HECTD3: variants seen among roughly 807,000 people sequenced by gnomAD.
HECTD3 encodes E3 ubiquitin-protein ligase HECTD3.
HECTD3 carries 72 observed loss-of-function variants against 109.3 expected under a neutral mutation model. That is an observed-to-expected ratio of 0.66 (90% confidence interval 0.54 to 0.80). The LOEUF (loss-of-function observed/expected upper bound fraction) is 0.80, where lower values mean the gene tolerates loss of function less well. Ranked by LOEUF, HECTD3 falls within the 30% of genes least tolerant of loss-of-function variation. HECTD3 has a pLI of 0.00. For missense variants in HECTD3, 1,041 were observed against 1,165.2 expected (o/e 0.89, Z 1.55); for synonymous variants, 481 against 471.8 (o/e 1.02, Z -0.25).
Position 45,003,741 on chromosome 1 carries a change from C to T in HECTD3, c.2430-1G>A. On this transcript the variant is annotated splice_acceptor_variant, in intron 19 of 20. Transcript: ENST00000372172. LOFTEE classifies it high-confidence loss of function. The surrounding 1 kb of genome is among the most constrained non-coding windows in gnomAD (Gnocchi z 4.7). ...GGGCAGCGCGTCTGTGGTCTCGTAG[C>T]TGGGGGCATTGAGGGACCATAGGTC... is the stretch of plus-strand genomic sequence containing the variant. 1 of 1,614,012 alleles carries T rather than the reference C, an allele frequency of 6.2e-7. No homozygotes were observed. Among genetic ancestry groups the T allele is most frequent in the Non-Finnish European group, 8.5e-7 (1 of 1,179,994 alleles).
Position 45,003,427 on chromosome 1 carries a change from T to C in HECTD3, c.*65A>G. 6.9e-7 allele frequency: 1 copy of C among 1,453,442 alleles called. No homozygotes were observed. Among genetic ancestry groups the C allele is most frequent in the Non-Finnish European group, 9.6e-7 (1 of 1,036,696 alleles). The allele number at this position is 1,453,442 out of a possible 1,614,324, so 90.0% of individuals were successfully genotyped here. A position where few individuals can be genotyped will look rare whatever the true frequency, so the allele number is the denominator to read the frequency against. On this transcript the variant is annotated 3_prime_UTR_variant, in exon 21 of 21. Coordinates refer to ENST00000372172, the MANE Select transcript of HECTD3 (RefSeq NM_024602.6). This position sits in a 1 kb window ranked among gnomAD's most constrained non-coding sequence, Gnocchi z 4.7. ...GCCAAACCAGGGCAGGGAAGGTGTC[T>C]TCGCCCTGGGCAAGGCCAAGAGGGA...
At chr1:45,004,214 G>GCTGCC (rs369750324) in intron 17 of HECTD3, 34 bp downstream of exon 17, 22 of 1,613,766 alleles carry the variant, frequency 1.4e-5, no homozygotes, top group South Asian at 5.5e-5. Flanking sequence ...GCTGTGCTGT[G>GCTGCC]CTGCCCTGCC....
In HECTD3 at chr1:45,010,943, GC is replaced by G; in HGVS notation, c.314del (p.Arg105ProfsTer15). ...CATTGCACAGCTCCTCGCCCGTGGT[GC>G]GCACGCAGGCGCCGCGCCGGAGCTC... ...SIELRRGACVRTTGEELCNGH... is the reference protein window; with the variant it reads ...SIELRRGACVXTTGEELCNGH... On this transcript the variant is annotated frameshift_variant, in exon 1 of 21. Coordinates refer to ENST00000372172, the MANE Select transcript of HECTD3 (RefSeq NM_024602.6). LOFTEE classifies it high-confidence loss of function. The G allele has an allele frequency of 6.5e-7, 1 of 1,537,138 alleles. No individual in the cohort carries two copies. The highest frequency in any genetic ancestry group is 8.7e-7 in the Non-Finnish European group (1 of 1,154,962).
At chr1:45,008,828 G>T in intron 7 of HECTD3, 127 bp from the exon 8 acceptor site, 1 of 818,808 alleles carries the variant, frequency 1.2e-6, no homozygotes, top group East Asian at 2.5e-5. Context: ...CGGGACCTTC[G>T]GGATCACCTT....
In HECTD3 at chr1:45,006,087, C is replaced by T. The variant is rs1644732863; in HGVS notation, c.1755G>A (p.Met585Ile). 10 of 1,614,178 alleles carry T rather than the reference C, an allele frequency of 6.2e-6. No individual in the cohort carries two copies. Among genetic ancestry groups the T allele is most frequent in the South Asian group, 1.1e-5 (1 of 91,084 alleles). The part of the protein sequence containing the change: ...QGNGTGEARD[M>I]YVPNPSCRDF... Reference sequence around the variant, plus strand: ...CTCGGCAGGAGGGGTTGGGTACATACATGTCCCGAGCCTCACCAGTGCCAT... The same window carrying T: ...CTCGGCAGGAGGGGTTGGGTACATATATGTCCCGAGCCTCACCAGTGCCAT... Residue 585 changes from methionine to isoleucine, a missense_variant, in exon 14 of 21, where the codon ATG becomes ATA. Met to Ile is a conservative substitution (Grantham distance 10). This residue lies in a region of HECTD3 where 569 missense variants were observed against 715.3 expected (regional missense o/e 0.80). Transcript: ENST00000372172. The surrounding 1 kb of genome is among the most constrained non-coding windows in gnomAD (Gnocchi z 4.7).
Position 45,008,536 on chromosome 1 carries a change from C to G in HECTD3, c.1238G>C (p.Arg413Thr). 1 of 1,612,454 alleles carries G rather than the reference C, an allele frequency of 6.2e-7. No individual in the cohort carries two copies. The highest frequency in any genetic ancestry group is 8.5e-7 in the Non-Finnish European group (1 of 1,178,702). The change falls in exon 8 of 21, where the codon AGA becomes ACA. Residue 413 changes from arginine (R) to threonine (T), a missense_variant and splice_region_variant. Coordinates refer to ENST00000372172, the MANE Select transcript of HECTD3 (RefSeq NM_024602.6). The part of the protein sequence containing the change: ...VLYRRAVLLQ[R>T]FIKILDSVLH... ...CCCATAGGTCCAGGACCACAGCCACCTCTGCAGGAGGACAGCTCTGCGGTA... is the reference window on the plus strand; with the variant it reads ...CCCATAGGTCCAGGACCACAGCCACGTCTGCAGGAGGACAGCTCTGCGGTA...
chr1:45,009,957 C>T (rs1006012865), intron 4 of HECTD3, 29 bp downstream of exon 4: 2 of 1,517,824 alleles, frequency 1.3e-6, no homozygotes, highest in Non-Finnish European at 1.8e-6. Flanking sequence ...CTATATCTTG[C>T]CTGGGGTGGG....
chr1:45,011,030 G>T lies in HECTD3; in HGVS notation c.228C>A (p.Gly76=). 7.0e-7 allele frequency: 1 copy of T among 1,419,468 alleles called. No homozygotes were observed. The highest frequency in any genetic ancestry group is 9.1e-7 in the Non-Finnish European group (1 of 1,093,622). 87.9% of individuals were successfully genotyped at this position (1,419,468 alleles called of 1,614,324 possible). A position where few individuals can be genotyped will look rare whatever the true frequency, so the allele number is the denominator to read the frequency against. Residue 76 remains glycine (G), a synonymous_variant, in exon 1 of 21, where the codon GGC becomes GGA. Coordinates refer to ENST00000372172, the MANE Select transcript of HECTD3 (RefSeq NM_024602.6). The part of the protein sequence containing the change: ...WEAEGLGLRV[G]AAGPAPGTGS... ...CGGTACCGGGGGCTGGGCCTGCGGC[G>T]CCCACACGCAGCCCCAGGCCCTCTG... is the stretch of plus-strand genomic sequence containing the variant.
At chr1:45,009,105 G>A (rs373664785) in intron 7 of HECTD3, 39 bp downstream of exon 7, 26 of 1,517,846 alleles carry the variant, frequency 1.7e-5, no homozygotes, top group Admixed American at 3.3e-5. Context: ...CCATCTCCAC[G>A]CCGGGCTCTC....
At chr1:45,007,092 G>C in intron 11 of HECTD3, 77 bp from the exon 12 acceptor site, 1 of 1,581,594 alleles carries the variant, frequency 6.3e-7, no homozygotes, top group Non-Finnish European at 8.7e-7. Flanking sequence ...GACCACCTGG[G>C]AAAAGCAGTC....
At chr1:45,010,745 C>A (rs1644783019) in intron 1 of HECTD3, 39 bp from the exon 2 acceptor site, 2 of 1,524,204 alleles carry the variant, frequency 1.3e-6, no homozygotes, top group Non-Finnish European at 8.8e-7. Context: ...CGTCAGGGAA[C>A]TGCCCAGCCG....
chr1:45,009,354 G>A lies in HECTD3; in HGVS notation c.989+15C>T. 1.9e-6 allele frequency: 3 copies of A among 1,596,894 alleles called. No homozygotes were observed. The highest frequency in any genetic ancestry group is 2.6e-6 in the Non-Finnish European group (3 of 1,164,720). On this transcript the variant is annotated intron_variant, in intron 6 of 20. Transcript: ENST00000372172. ...GGAACATGCCCTACTTCCCTCCCCA[G>A]GCCAGCGTGCTCACTCGTCAATGCT...
chr1:45,003,776 T>C lies in HECTD3; in HGVS notation c.2430-36A>G. ...TGAGGGACCATAGGTCAGGAAGATG[T>C]GTTGGGGCACATGTACGTGTGTGGG... On this transcript the variant is annotated intron_variant, in intron 19 of 20. Coordinates refer to ENST00000372172, the MANE Select transcript of HECTD3 (RefSeq NM_024602.6). This position sits in a 1 kb window ranked among gnomAD's most constrained non-coding sequence, Gnocchi z 4.7. 1.9e-6 allele frequency: 3 copies of C among 1,613,284 alleles called. No homozygotes were observed. Among genetic ancestry groups the C allele is most frequent in the Non-Finnish European group, 2.5e-6 (3 of 1,179,374 alleles).
chr1:45,009,845 G>T, intron 4 of HECTD3, 141 bp downstream of exon 4: 3 of 1,176,550 alleles, frequency 2.5e-6, no homozygotes, highest in Non-Finnish European at 3.6e-6. Context: ...TCCTATAGAC[G>T]TCCAAGATGG....
In HECTD3 at chr1:45,009,147, G is replaced by A. The variant is rs1237494697; in HGVS notation, c.1069C>T (p.Arg357Ter). The part of the protein sequence containing the change: ...PIIEIRIVEC[R>*]DDGIDVRLRG... The stretch of plus-strand genomic sequence containing the variant: ...TCCTTATAGCCTTAAACCTCACCTC[G>A]GCACTCCACGATGCGGATCTCGATG... The change falls in exon 7 of 21, where the codon CGA becomes TGA. Residue 357 changes from arginine (R) to a stop codon, truncating the protein, a stop_gained. Coordinates refer to ENST00000372172, the MANE Select transcript of HECTD3 (RefSeq NM_024602.6). LOFTEE classifies it high-confidence loss of function. 1.2e-6 allele frequency: 2 copies of A among 1,613,406 alleles called. No homozygotes were observed. The highest frequency in any genetic ancestry group is 8.5e-7 in the Non-Finnish European group (1 of 1,179,464).
chr1:45,007,104 T>C (rs376685860), intron 11 of HECTD3, 89 bp from the exon 12 acceptor site: 11 of 1,557,134 alleles, frequency 7.1e-6, no homozygotes, highest in African/African-American at 2.7e-5. Flanking sequence ...AAAGCAGTCA[T>C]GGCGAGGGGT....
intron 9 of HECTD3, 43 bp from the exon 10 acceptor site, chr1:45,007,638 A>T: frequency 6.4e-7 from 1 of 1,557,958 alleles, no homozygotes; most frequent in Admixed American, 1.7e-5. Context: ...GTGGGCAGTC[A>T]GCCTCCGTCC....
chr1:45,005,709 G>T (rs1644729633), intron 15 of HECTD3, 85 bp downstream of exon 15: 2 of 1,077,072 alleles, frequency 1.9e-6, no homozygotes, highest in Non-Finnish European at 2.7e-6. Context: ...TGTGTGTGGT[G>T]AAAGAACAAG....
Position 45,004,998 on chromosome 1 carries a change from G to A in HECTD3, c.1936-192C>T, listed in dbSNP as rs1644721986. The A allele has an allele frequency of 4.9e-6, 3 of 616,984 alleles. No homozygotes were observed. The South Asian group carries it at 5.7e-5, about 12-fold the overall frequency. 38.2% of individuals were successfully genotyped at this position (616,984 alleles called of 1,614,324 possible). ...CACCTAACCAGCCTTGGAGGCCAGA[G>A]GAGGCATCCTGTGGAAAATGGTGTC... On this transcript the variant is annotated intron_variant, in intron 15 of 20. Coordinates refer to ENST00000372172, the MANE Select transcript of HECTD3 (RefSeq NM_024602.6).
Sources: allele counts gnomAD v4.1 joint callset, GRCh38; gene constraint gnomAD v4.1.1; regional missense constraint gnomAD v4.1.1; non-coding constraint Gnocchi (gnomAD v3.1); transcripts MANE v1.5; gene names NCBI Gene and HGNC (gene_info 2026-07-23, HGNC 2026-07-21).